The following EPC1 variants were observed in gnomAD, a reference collection of about 807,000 sequenced individuals.
EPC1 encodes the protein enhancer of polycomb homolog 1.
A neutral mutation model predicts 98.4 loss-of-function variants in EPC1; 12 were observed. That is an observed-to-expected ratio of 0.12 (90% CI 0.08 to 0.20). EPC1 has a LOEUF of 0.20. Ranked by LOEUF, EPC1 falls within the 10% of genes least tolerant of loss-of-function variation. EPC1 has a pLI of 1.00. For synonymous variants in EPC1, 357 were observed against 363.9 expected (o/e 0.98, Z 0.21); for missense variants, 729 against 990.5 (o/e 0.74, Z 3.54).
chr10:32,367,243 G>A (rs746768860), intron 1 of EPC1, among the ~76,000 whole-genome samples: 35 of 152,226 alleles, frequency 2.3e-4, no homozygotes, highest in African/African-American at 4.8e-4. Context: ...TGCCCACCTC[G>A]GCCTCCCAAA....
intron 1 of EPC1, among the ~76,000 whole-genome samples, chr10:32,310,519 T>A (rs1322817337): frequency 6.6e-6 from 1 of 152,208 alleles, no homozygotes; most frequent in East Asian, 1.9e-4. Context: ...ACTTCCCTTA[T>A]GTTATATCCA....
At chr10:32,316,564 C>T (rs1032449753) in intron 1 of EPC1, among the ~76,000 whole-genome samples, 7 of 152,052 alleles carry the variant, frequency 4.6e-5, no homozygotes, top group Admixed American at 1.3e-4. Context: ...AAAATAGCTT[C>T]GCACAAAGTA....
At chr10:32,366,622 G>T (rs1250940513) in intron 1 of EPC1, among the ~76,000 whole-genome samples, 4 of 151,358 alleles carry the variant, frequency 2.6e-5, no homozygotes, top group South Asian at 2.1e-4. Flanking sequence ...ATTTTTTTTG[G>T]CCATTTATAG....
Position 32,287,226 on chromosome 10 carries a change from G to A in EPC1, c.1024C>T (p.Pro342Ser). 1.2e-6 allele frequency: 2 copies of A among 1,614,076 alleles called. No individual in the cohort carries two copies. Among genetic ancestry groups the A allele is most frequent in the Admixed American group, 1.7e-5 (1 of 60,008 alleles). Residue 342 changes from proline (P) to serine (S), a missense_variant, in exon 7 of 14, where the codon CCC becomes TCC. Coordinates refer to ENST00000319778, the MANE Select transcript of EPC1 (RefSeq NM_001272004.3). ...IRPKRKYEKK[P>S]KVLPSSAAAT... ...GCGGCAGACGATGGTAAGACTTTGG[G>A]CTTCTTTTCATATTTCCGTTTCGGT...
chr10:32,279,490 T>C (rs1220984277), intron 10 of EPC1, among the ~76,000 whole-genome samples: 3 of 152,222 alleles, frequency 2.0e-5, no homozygotes, highest in Admixed American at 6.5e-5. Context: ...TAAGATGTTA[T>C]GTTGCAAACT....
exon 1 of EPC1, chr10:32,378,492 A>G (rs1839915368): frequency 6.5e-7 from 1 of 1,547,548 alleles, no homozygotes; most frequent in Non-Finnish European, 8.7e-7. Flanking sequence ...CAAACTTACC[A>G]TTAGTGCAGG....
At chr10:32,350,020 A>G (rs761206329), upstream of EPC1, among the ~76,000 whole-genome samples, 1 of 152,222 alleles carries the variant, frequency 6.6e-6, no homozygotes. Flanking sequence ...CCTTGAAAAA[A>G]TGGTTAATCC....
intron 10 of EPC1, among the ~76,000 whole-genome samples, chr10:32,278,651 C>T (rs1031809571): frequency 6.6e-6 from 1 of 151,976 alleles, no homozygotes; most frequent in Non-Finnish European, 1.5e-5. Context: ...CCAAAAGTAA[C>T]CCCAAATGCC....
chr10:32,305,336 A>T (rs1454652169), intron 2 of EPC1, among the ~76,000 whole-genome samples: 1 of 152,246 alleles, frequency 6.6e-6, no homozygotes, highest in Non-Finnish European at 1.5e-5. Context: ...TTGCACTGCA[A>T]CAGCAGAACT....
At chr10:32,335,879 T>G (rs920071768) in intron 1 of EPC1, among the ~76,000 whole-genome samples, 1 of 152,078 alleles carries the variant, frequency 6.6e-6, no homozygotes, top group African/African-American at 2.4e-5. Context: ...GTGTCCCTCT[T>G]TAGCCACCAC....
At chr10:32,292,408 T>C in intron 5 of EPC1, 88 bp downstream of exon 5, 1 of 940,850 alleles carries the variant, frequency 1.1e-6, no homozygotes, top group Non-Finnish European at 1.5e-6. Flanking sequence ...TTTCTGTAAT[T>C]AGATTATTGC....
At chr10:32,290,776 T>C (rs1257065146) in intron 6 of EPC1, among the ~76,000 whole-genome samples, 3 of 151,888 alleles carry the variant, frequency 2.0e-5, no homozygotes, top group Non-Finnish European at 2.9e-5. Flanking sequence ...ATTTTTCTTT[T>C]TTTATCTTTT....
intron 11 of EPC1, chr10:32,272,899 G>C: frequency 1.3e-6 from 1 of 782,506 alleles, no homozygotes; most frequent in Non-Finnish European, 2.1e-6. Flanking sequence ...ATATTCAAGA[G>C]GTACATTAAT....
intron 1 of EPC1, among the ~76,000 whole-genome samples, chr10:32,369,770 C>T (rs1839697474): frequency 6.6e-6 from 1 of 152,124 alleles, no homozygotes; most frequent in Non-Finnish European, 1.5e-5. Context: ...ATTATTGAAA[C>T]ATTAGAGCAA....
At chr10:32,346,639 G>T in intron 1 of EPC1, 124 bp downstream of exon 1, 1 of 998,568 alleles carries the variant, frequency 1.0e-6, no homozygotes, top group South Asian at 1.5e-5. Flanking sequence ...CCCGGCCGGC[G>T]ACTGAGAGTC....
At chr10:32,316,628 T>A (rs562759509) in intron 1 of EPC1, among the ~76,000 whole-genome samples, 1 of 152,270 alleles carries the variant, frequency 6.6e-6, no homozygotes, top group Non-Finnish European at 1.5e-5. Flanking sequence ...AAAAATATCA[T>A]AACAGTAGTT....
Position 32,287,087 on chromosome 10 carries a change from T to C in EPC1, c.1152+11A>G. 1 of 1,614,004 alleles carries C rather than the reference T, an allele frequency of 6.2e-7. No individual in the cohort carries two copies. Among genetic ancestry groups the C allele is most frequent in the Non-Finnish European group, 8.5e-7 (1 of 1,179,958 alleles). On this transcript the variant is annotated intron_variant, in intron 7 of 13. Coordinates refer to ENST00000319778, the MANE Select transcript of EPC1 (RefSeq NM_001272004.3). Reference sequence around the variant, plus strand: ...TCCCTCCTCAATGTTCATAGAGAATTGTATTTGTACCTGGGAGAGAGGTTC... The same window carrying C: ...TCCCTCCTCAATGTTCATAGAGAATCGTATTTGTACCTGGGAGAGAGGTTC...
intron 1 of EPC1, among the ~76,000 whole-genome samples, chr10:32,314,272 T>C (rs1198835776): frequency 6.6e-6 from 1 of 152,252 alleles, no homozygotes. Context: ...AAGTTTTCTA[T>C]ACATAGCAAT....
Position 32,342,125 on chromosome 10 carries a change from CTCAAT to C in EPC1, c.153+4633_153+4637del, listed in dbSNP as rs574572593. Reference sequence around the variant, plus strand: ...AATCTAATGCAAAAATCCCCATACTCTCAATTCTTTTCTAATTCAAACTATCTGTA... The same window carrying C: ...AATCTAATGCAAAAATCCCCATACTCTCTTTTCTAATTCAAACTATCTGTA... On this transcript the variant is annotated intron_variant, in intron 1 of 13. Coordinates refer to ENST00000319778, the MANE Select transcript of EPC1 (RefSeq NM_001272004.3). Among the ~76,000 whole-genome samples, 12 of 152,286 alleles carry C rather than the reference CTCAAT, an allele frequency of 7.9e-5. 1 individual carries two copies. In the South Asian group the frequency reaches 2.5e-3, roughly 32 times the overall value.
Sources: gnomAD v4.1 joint callset for allele counts (sites outside exome capture counted in the v4.1 genomes callset) on GRCh38, gnomAD v4.1.1 for gene constraint, MANE v1.5 for transcripts, NCBI Gene and HGNC (gene_info 2026-07-23, HGNC 2026-07-21) for gene names.